EPHA7: variants seen among roughly 807,000 people sequenced by gnomAD.
The protein encoded by EPHA7 is ephrin type-A receptor 7.
Under a neutral mutation model 112.6 loss-of-function variants are expected in EPHA7, and 25 were observed. The ratio of observed to expected loss-of-function variants is 0.22; its 90% CI spans 0.16 to 0.31. The LOEUF is 0.31. EPHA7 is among the 10% of genes least tolerant of loss of function. The pLI is 1.00. For missense variants in EPHA7, 962 were observed against 1,212.6 expected (o/e 0.79, Z 3.07); for synonymous variants, 437 against 406.5 (o/e 1.07, Z -0.90).
chr6:93,359,874 G>GAGAGATAGATAGATAGAT (rs1462833873), intron 3 of EPHA7, among the ~76,000 whole-genome samples: 69 of 127,932 alleles, frequency 5.4e-4, no homozygotes, highest in African/African-American at 1.7e-3. Flanking sequence ...GAGAGAGAGA[G>GAGAGATAGATAGATAGAT]AGATAGATAG....
chr6:93,383,032 GA>G (rs1777419527), intron 3 of EPHA7, among the ~76,000 whole-genome samples: 1 of 152,060 alleles, frequency 6.6e-6, no homozygotes, highest in Non-Finnish European at 1.5e-5. Context: ...CCGATGTTAA[GA>G]GAGCTTAATT....
At chr6:93,394,884 T>C (rs1269071129) in intron 3 of EPHA7, among the ~76,000 whole-genome samples, 2 of 151,836 alleles carry the variant, frequency 1.3e-5, no homozygotes, top group African/African-American at 4.8e-5. Flanking sequence ...ATTCCATACA[T>C]TCTTTAAAAT....
intron 5 of EPHA7, among the ~76,000 whole-genome samples, chr6:93,300,588 A>G (rs1772928730): frequency 6.6e-6 from 1 of 152,190 alleles, no homozygotes. Context: ...AAATTTTGCT[A>G]ACACTTAATC....
At chr6:93,276,404 A>T (rs894857856) in intron 5 of EPHA7, among the ~76,000 whole-genome samples, 1 of 152,000 alleles carries the variant, frequency 6.6e-6, no homozygotes, top group Non-Finnish European at 1.5e-5. Flanking sequence ...CAGAGCAAAG[A>T]ATTTGAATTC....
chr6:93,339,570 A>G (rs1400643172), intron 5 of EPHA7, among the ~76,000 whole-genome samples: 1 of 151,810 alleles, frequency 6.6e-6, no homozygotes, highest in African/African-American at 2.4e-5. Flanking sequence ...CCCAAGGTCA[A>G]AAAACAACTT....
intron 3 of EPHA7, among the ~76,000 whole-genome samples, chr6:93,360,417 A>G (rs1290001272): frequency 2.6e-5 from 4 of 152,140 alleles, no homozygotes; most frequent in Non-Finnish European, 4.4e-5. Context: ...AAAACAAACA[A>G]CCAAAGTAGA....
intron 5 of EPHA7, among the ~76,000 whole-genome samples, chr6:93,278,513 T>G (rs543850489): frequency 6.6e-6 from 1 of 152,088 alleles, no homozygotes; most frequent in African/African-American, 2.4e-5. Flanking sequence ...ACACACATTA[T>G]CTATCTTTTC....
At chr6:93,287,447 T>G (rs554897497) in intron 5 of EPHA7, among the ~76,000 whole-genome samples, 189 of 152,194 alleles carry the variant, frequency 1.2e-3, no homozygotes, top group Admixed American at 4.0e-3. Context: ...GTAGCATTAA[T>G]ATTTTTAATC....
intron 5 of EPHA7, among the ~76,000 whole-genome samples, chr6:93,287,144 T>G (rs1426481620): frequency 6.6e-6 from 1 of 152,216 alleles, no homozygotes; most frequent in African/African-American, 2.4e-5. Flanking sequence ...TATAAGCCAG[T>G]GTCTTCCTAT....
intron 5 of EPHA7, among the ~76,000 whole-genome samples, chr6:93,282,749 G>A (rs1232325113): frequency 6.6e-6 from 1 of 152,160 alleles, no homozygotes; most frequent in Non-Finnish European, 1.5e-5. Flanking sequence ...AGAGCCGCGG[G>A]ACCTGCCAGC....
chr6:93,320,756 T>A (rs892720336), intron 5 of EPHA7, among the ~76,000 whole-genome samples: 3 of 151,984 alleles, frequency 2.0e-5, no homozygotes, highest in Non-Finnish European at 4.4e-5. Flanking sequence ...AAATTATATT[T>A]AAAGCTTACA....
chr6:93,280,285 G>T, intron 5 of EPHA7, among the ~76,000 whole-genome samples: 1 of 152,072 alleles, frequency 6.6e-6, no homozygotes, highest in East Asian at 1.9e-4. Flanking sequence ...GCATTTGGTT[G>T]GTATATAGCC....
chr6:93,358,449 A>G, intron 3 of EPHA7, 38 bp from the exon 4 acceptor site: 1 of 1,539,922 alleles, frequency 6.5e-7, no homozygotes, highest in Non-Finnish European at 8.8e-7. Flanking sequence ...GAGACATGAG[A>G]GCAAATCGAT....
At chr6:93,336,487 C>A (rs1233212549) in intron 5 of EPHA7, among the ~76,000 whole-genome samples, 1 of 152,186 alleles carries the variant, frequency 6.6e-6, no homozygotes, top group Non-Finnish European at 1.5e-5. Flanking sequence ...ACTGTAACCA[C>A]TGCCTCCTGG....
chr6:93,409,047 T>TA (rs1445973667), intron 3 of EPHA7, among the ~76,000 whole-genome samples: 1 of 152,006 alleles, frequency 6.6e-6, no homozygotes, highest in African/African-American at 2.4e-5. Flanking sequence ...CATCTCAATG[T>TA]TTAATAGTCA....
At chr6:93,353,178 T>C (rs1354095017) in intron 5 of EPHA7, among the ~76,000 whole-genome samples, 1 of 152,062 alleles carries the variant, frequency 6.6e-6, no homozygotes, top group Non-Finnish European at 1.5e-5. Flanking sequence ...ACATATGTTT[T>C]CCCCCTACTT....
intron 5 of EPHA7, among the ~76,000 whole-genome samples, chr6:93,295,398 T>C (rs1772608247): frequency 3.3e-5 from 5 of 151,892 alleles, no homozygotes. Context: ...GTGTATTTAG[T>C]AGACATTCTT....
At chr6:93,283,715 T>C (rs1012490287) in intron 5 of EPHA7, among the ~76,000 whole-genome samples, 4 of 152,106 alleles carry the variant, frequency 2.6e-5, no homozygotes, top group Non-Finnish European at 5.9e-5. Flanking sequence ...AAACAAACTC[T>C]GGACACGCCA....
chr6:93,269,399 A>T (rs370521200), intron 7 of EPHA7, 78 bp downstream of exon 7: 9 of 1,155,666 alleles, frequency 7.8e-6, no homozygotes, highest in Middle Eastern at 2.3e-4. Context: ...GGTGCAAATG[A>T]TCACCTCAAT....
Sources: allele counts gnomAD v4.1 joint callset (sites outside exome capture counted in the v4.1 genomes callset), GRCh38; gene constraint gnomAD v4.1.1; transcripts MANE v1.5; gene names NCBI Gene and HGNC (gene_info 2026-07-23, HGNC 2026-07-21).